COQ4: variants seen among roughly 807,000 people sequenced by gnomAD.
COQ4 encodes coenzyme Q4.
In COQ4, 36 loss-of-function variants were observed where a neutral mutation model predicts 30.2. The observed-to-expected ratio is 1.19, with a 90% CI of 0.91 to 1.57. The LOEUF is 1.57. Ranked by LOEUF, COQ4 falls within the 40% of genes most tolerant of loss-of-function variation. The probability of loss-of-function intolerance (pLI) is 0.00; values close to 1 mark genes in which losing one functional copy is unlikely to be tolerated. For missense variants in COQ4, 369 were observed against 371.9 expected (o/e 0.99, Z 0.07); for synonymous variants, 197 against 161.0 (o/e 1.22, Z -1.69).
Position 128,332,937 on chromosome 9 carries a change from G to A in COQ4, c.620G>A (p.Gly207Asp). 2 of 1,613,836 alleles carry A rather than the reference G, an allele frequency of 1.2e-6. No homozygotes were observed. Among genetic ancestry groups the A allele is most frequent in the South Asian group, 2.2e-5 (2 of 91,076 alleles). The change falls in exon 6 of 7, where the codon GGC becomes GAC. Residue 207 changes from glycine to aspartate, a missense_variant. Gly to Asp is a moderately conservative substitution (Grantham distance 94). Coordinates refer to ENST00000300452, the MANE Select transcript of COQ4 (RefSeq NM_016035.5). The part of the protein sequence containing the change: ...LGAFFGPIRL[G>D]AQSLQVLVSE... Reference sequence around the variant, plus strand: ...GCATTCTTTGGACCGATCCGACTTGGCGCTCAGTAAGTTTTCAAGTGGTAG... The same window carrying A: ...GCATTCTTTGGACCGATCCGACTTGACGCTCAGTAAGTTTTCAAGTGGTAG...
intron 3 of COQ4, 42 bp from the exon 4 acceptor site, chr9:128,325,737 C>A: frequency 6.6e-7 from 1 of 1,521,232 alleles, no homozygotes; most frequent in Non-Finnish European, 9.1e-7. Flanking sequence ...CGTTCACCTA[C>A]CTTTGCCCAC....
In COQ4 at chr9:128,333,485, T is replaced by G. The variant is rs1832448295; in HGVS notation, c.638T>G (p.Val213Gly). The change falls in exon 7 of 7, where the codon GTG becomes GGG. Residue 213 changes from valine to glycine, a missense_variant. Coordinates refer to ENST00000300452, the MANE Select transcript of COQ4 (RefSeq NM_016035.5). The stretch of plus-strand genomic sequence containing the variant: ...CTGCTGCCCCACAGGAGCCTGCAAG[T>G]GCTGGTCTCGGAGTTGATCCCATGG... ...PIRLGAQSLQ[V>G]LVSELIPWAV... 6.5e-7 allele frequency: 1 copy of G among 1,538,316 alleles called. No individual in the cohort carries two copies. The highest frequency in any genetic ancestry group is 8.7e-7 in the Non-Finnish European group (1 of 1,145,112).
At chr9:128,331,894 AT>A in intron 4 of COQ4, 1 of 305,758 alleles carries the variant, frequency 3.3e-6, no homozygotes, top group Non-Finnish European at 6.3e-6. Context: ...CACCCGGCTA[AT>A]TTTTGTATTT....
Position 128,332,206 on chromosome 9 carries a change from A to G in COQ4, c.456A>G (p.Leu152=). 1.2e-6 allele frequency: 2 copies of G among 1,610,088 alleles called. No individual in the cohort carries two copies. Among genetic ancestry groups the G allele is most frequent in the South Asian group, 1.1e-5 (1 of 89,988 alleles). ...CCCGCTTCGTGGATGATGAGGAGCT[A>G]GCGTATGTGATTCAGCGGTACCGGG... ...APTRFVDDEE[L]AYVIQRYREV... is the part of the protein sequence containing the mutation. The change falls in exon 5 of 7, where the codon CTA becomes CTG. Residue 152 remains leucine, a synonymous_variant. Coordinates refer to ENST00000300452, the MANE Select transcript of COQ4 (RefSeq NM_016035.5).
rs1263767027 is a variant in COQ4 at position 128,332,149 on chromosome 9, T to C, written c.403-4T>C. The C allele has an allele frequency of 1.3e-6, 2 of 1,561,270 alleles. No individual in the cohort carries two copies. The highest frequency in any genetic ancestry group is 1.7e-6 in the Non-Finnish European group (2 of 1,152,330). On this transcript the variant is annotated splice_region_variant and splice_polypyrimidine_tract_variant and intron_variant, in intron 4 of 6. Coordinates refer to ENST00000300452, the MANE Select transcript of COQ4 (RefSeq NM_016035.5). ...GGGTTCTAGGGGAGGCTCATGGTTG[T>C]CAGAGGGTCTCCCCAGACACCCGAG...
At chr9:128,329,907 A>AC (rs1315910225) in intron 4 of COQ4, among the ~76,000 whole-genome samples, 2 of 152,304 alleles carry the variant, frequency 1.3e-5, no homozygotes, top group East Asian at 3.9e-4. Context: ...TAAGAGGAGA[A>AC]GAGTTCTGGG....
intron 4 of COQ4, among the ~76,000 whole-genome samples, chr9:128,329,904 A>G (rs917045866): frequency 6.6e-6 from 1 of 152,138 alleles, no homozygotes; most frequent in Non-Finnish European, 1.5e-5. Context: ...AGTTAAGAGG[A>G]GAAGAGTTCT....
chr9:128,325,349 C>A, intron 3 of COQ4, 110 bp downstream of exon 3: 1 of 759,226 alleles, frequency 1.3e-6, no homozygotes, highest in Non-Finnish European at 2.2e-6. Flanking sequence ...GATACCCTGG[C>A]TACATATGGT....
At chr9:128,330,070 A>T (rs986306912) in intron 4 of COQ4, among the ~76,000 whole-genome samples, 7 of 152,132 alleles carry the variant, frequency 4.6e-5, no homozygotes, top group African/African-American at 1.7e-4. Context: ...GATACTGTCC[A>T]TAAAAATAAA....
At chr9:128,323,944 TAAAC>T (rs1832270153) in intron 2 of COQ4, among the ~76,000 whole-genome samples, 4 of 152,052 alleles carry the variant, frequency 2.6e-5, no homozygotes, top group Admixed American at 2.6e-4. Context: ...GACCCTGTCT[TAAAC>T]AAAAAATACA....
chr9:128,328,966 A>T (rs1832364310), intron 4 of COQ4, among the ~76,000 whole-genome samples: 1 of 152,208 alleles, frequency 6.6e-6, no homozygotes, highest in African/African-American at 2.4e-5. Context: ...TCAGCAGCTC[A>T]TGGAATGTGA....
In COQ4 at chr9:128,333,614, C is replaced by T. The variant is rs565772648; in HGVS notation, c.767C>T (p.Ala256Val). ...CTGCGGGAGGAGCTGGGCATTACAG[C>T]ACCACCCATGCACGTCCAGGGCTTG... ...RALREELGIT[A>V]PPMHVQGLA The change falls in exon 7 of 7, where the codon GCA becomes GTA. Residue 256 changes from alanine (A) to valine (V), a missense_variant. Physicochemically the swap from Ala to Val is moderately conservative, Grantham distance 64. Coordinates refer to ENST00000300452, the MANE Select transcript of COQ4 (RefSeq NM_016035.5). 161 of 1,596,426 alleles carry T rather than the reference C, an allele frequency of 1.0e-4. 2 individuals are homozygous for T. The South Asian group carries it at 1.8e-3, about 18-fold the overall frequency.
At position 128,332,399 on chromosome 9, in the gene COQ4, T is replaced by C. The variant is rs923836255; in HGVS notation, c.532+117T>C. 3.6e-6 allele frequency: 4 copies of C among 1,105,476 alleles called. No homozygotes were observed. The African/African-American group carries it at 6.2e-5, about 17-fold the overall frequency. 68.5% of individuals were successfully genotyped at this position (1,105,476 alleles called of 1,614,324 possible). On this transcript the variant is annotated intron_variant, in intron 5 of 6. Coordinates refer to ENST00000300452, the MANE Select transcript of COQ4 (RefSeq NM_016035.5). Reference sequence around the variant, plus strand: ...TGGCTTGGTGCCTCAATTTCTGCTTTACCTGAACATCTTAGTAGCATCTTT... The same window carrying C: ...TGGCTTGGTGCCTCAATTTCTGCTTCACCTGAACATCTTAGTAGCATCTTT...
At chr9:128,330,920 C>T (rs1832397457) in intron 4 of COQ4, 1 of 151,582 alleles carries the variant, frequency 6.6e-6, no homozygotes, top group Admixed American at 6.6e-5. Flanking sequence ...TCGCTGCAAG[C>T]TCCGCCTCCC....
intron 4 of COQ4, 183 bp downstream of exon 4, chr9:128,326,064 T>C (rs568296186): frequency 8.6e-5 from 54 of 625,046 alleles, no homozygotes; most frequent in South Asian, 6.6e-4. Flanking sequence ...ATGCCTGCAA[T>C]TGATAATACT....
chr9:128,332,079 T>C (rs1832422133), intron 4 of COQ4, 74 bp from the exon 5 acceptor site: 1 of 1,497,606 alleles, frequency 6.7e-7, no homozygotes, highest in Non-Finnish European at 9.0e-7. Flanking sequence ...GTTGTGACGG[T>C]GTCAGAGACA....
intron 4 of COQ4, among the ~76,000 whole-genome samples, chr9:128,328,414 C>T (rs1832355870): frequency 6.6e-6 from 1 of 152,194 alleles, no homozygotes; most frequent in Non-Finnish European, 1.5e-5. Flanking sequence ...GAGGGGTCTC[C>T]AAAGGTTGCC....
rs138560167 is a variant in COQ4 at position 128,332,195 on chromosome 9, G to T, written c.445G>T (p.Asp149Tyr). The change falls in exon 5 of 7, where the codon GAT (aspartate) becomes TAT (tyrosine). Residue 149 changes from aspartate to tyrosine, a missense_variant. By Grantham distance (160) the Asp-to-Tyr change is radical (BLOSUM62 -3). Transcript: ENST00000300452. ...DTRAPTRFVD[D>Y]EELAYVIQRY... ...CCGAGCACCCACCCGCTTCGTGGATGATGAGGAGCTAGCGTATGTGATTCA... is the reference window on the plus strand; with the variant it reads ...CCGAGCACCCACCCGCTTCGTGGATTATGAGGAGCTAGCGTATGTGATTCA... The T allele has an allele frequency of 1.9e-6, 3 of 1,605,748 alleles. No individual in the cohort carries two copies. The highest frequency in any genetic ancestry group is 2.6e-6 in the Non-Finnish European group (3 of 1,176,312).
chr9:128,329,935 G>A (rs531775099), intron 4 of COQ4, among the ~76,000 whole-genome samples: 1 of 152,224 alleles, frequency 6.6e-6, no homozygotes, highest in Non-Finnish European at 1.5e-5. Context: ...AAGTGCCCAG[G>A]ACTGGCCTTT....
Sources: gnomAD v4.1 joint callset for allele counts (sites outside exome capture counted in the v4.1 genomes callset) on GRCh38, gnomAD v4.1.1 for gene constraint, MANE v1.5 for transcripts, NCBI Gene and HGNC (gene_info 2026-07-23, HGNC 2026-07-21) for gene names.